The following KLHL26 variants were observed in gnomAD, a reference collection of about 807,000 sequenced individuals.
KLHL26 encodes kelch like family member 26.
A neutral mutation model predicts 7.1 loss-of-function variants in KLHL26; 4 were observed. The observed-to-expected ratio is 0.56, with a 90% CI of 0.28 to 1.28. The LOEUF (loss-of-function observed/expected upper bound fraction) is 1.28. Among genes scored for constraint, KLHL26 ranks in the 50% most tolerant of loss-of-function variants. KLHL26 has a pLI of 0.11. For synonymous variants in KLHL26, 465 were observed against 414.1 expected (o/e 1.12, Z -1.49); for missense variants, 896 against 924.6 (o/e 0.97, Z 0.40).
In KLHL26 at chr19:18,664,544, C is replaced by T. The variant is rs111715435; in HGVS notation, c.266+101C>T. On this transcript the variant is annotated intron_variant, in intron 2 of 2. Transcript: ENST00000300976. ...CTAAAGGGGGCCTGTCTCAGCGCTA[C>T]CCAGGGACAGCTTCGAGGGAGAACG... is the stretch of plus-strand genomic sequence containing the variant. 6.5e-6 allele frequency: 6 copies of T among 929,518 alleles called. No homozygotes were observed. In the African/African-American group the frequency reaches 6.7e-5, roughly 10 times the overall value. The allele number at this position is 929,518 out of a possible 1,614,324, so 57.6% of individuals were successfully genotyped here. A position where few individuals can be genotyped will look rare whatever the true frequency, so the allele number is the denominator to read the frequency against.
rs148958578 is a variant in KLHL26 at position 18,667,494 on chromosome 19, G to A, written c.267-170G>A. 657 of 1,206,582 alleles carry A rather than the reference G, an allele frequency of 5.4e-4. 1 individual carries two copies. In the African/African-American group the frequency reaches 9.3e-3, roughly 17 times the overall value. The allele number at this position is 1,206,582 out of a possible 1,614,324, so 74.7% of individuals were successfully genotyped here. The stretch of plus-strand genomic sequence containing the variant: ...GCTGGGATTACAGGCATGAGCCACC[G>A]CGCCCGGCCCCTTTGCATGTTTTTA... On this transcript the variant is annotated intron_variant, in intron 2 of 2. Coordinates refer to ENST00000300976, the MANE Select transcript of KLHL26 (RefSeq NM_018316.3).
intron 1 of KLHL26, among the ~76,000 whole-genome samples, chr19:18,647,354 T>TC (rs1976822752): frequency 6.6e-6 from 1 of 151,946 alleles, no homozygotes; most frequent in Non-Finnish European, 1.5e-5. Flanking sequence ...TCATCCCACC[T>TC]CCCCCACGGC....
Position 18,669,186 on chromosome 19 carries a change from T to A in KLHL26, c.1789T>A (p.Ser597Thr). ...EWERDLHFPE[S>T]FAGIACAPVL... ...GGAGCGGGACCTGCACTTCCCGGAGTCCTTCGCAGGCATAGCCTGCGCCCC... is the reference window on the plus strand; with the variant it reads ...GGAGCGGGACCTGCACTTCCCGGAGACCTTCGCAGGCATAGCCTGCGCCCC... Residue 597 changes from serine to threonine, a missense_variant, in exon 3 of 3, where the codon TCC becomes ACC. Coordinates refer to ENST00000300976, the MANE Select transcript of KLHL26 (RefSeq NM_018316.3). 1 of 1,612,248 alleles carries A rather than the reference T, an allele frequency of 6.2e-7. No individual in the cohort carries two copies. The highest frequency in any genetic ancestry group is 8.5e-7 in the Non-Finnish European group (1 of 1,179,884).
At chr19:18,663,935 CTG>C (rs1223112351) in intron 1 of KLHL26, among the ~76,000 whole-genome samples, 1 of 152,094 alleles carries the variant, frequency 6.6e-6, no homozygotes, top group African/African-American at 2.4e-5. Flanking sequence ...TGACATAAAA[CTG>C]TCTGAAAGTG....
At chr19:18,641,517 C>G (rs933534649) in intron 1 of KLHL26, among the ~76,000 whole-genome samples, 1 of 151,146 alleles carries the variant, frequency 6.6e-6, no homozygotes, top group African/African-American at 2.4e-5. Flanking sequence ...CGGGGTTTCA[C>G]CATGTTGGCT....
chr19:18,668,210 G>T lies in KLHL26; in HGVS notation c.813G>T (p.Met271Ile). 1 of 1,611,836 alleles carries T rather than the reference G, an allele frequency of 6.2e-7. No homozygotes were observed. Residue 271 changes from methionine to isoleucine, a missense_variant, in exon 3 of 3, where the codon ATG (methionine) becomes ATT (isoleucine). Coordinates refer to ENST00000300976, the MANE Select transcript of KLHL26 (RefSeq NM_018316.3). ...LVDSVQTLDIMVEDVLCRQYL... is the reference protein window; with the variant it reads ...LVDSVQTLDIIVEDVLCRQYL... Reference sequence around the variant, plus strand: ...ACAGCGTGCAGACGCTGGACATCATGGTGGAGGACGTGCTGTGCCGCCAGT... The same window carrying T: ...ACAGCGTGCAGACGCTGGACATCATTGTGGAGGACGTGCTGTGCCGCCAGT...
At chr19:18,655,111 C>CCGTA (rs1480493191) in intron 1 of KLHL26, among the ~76,000 whole-genome samples, 2 of 152,192 alleles carry the variant, frequency 1.3e-5, no homozygotes, top group Non-Finnish European at 2.9e-5. Context: ...GGCTGATGAG[C>CCGTA]CGTAGACCGA....
chr19:18,644,558 A>G (rs1013962554), intron 1 of KLHL26: 2 of 152,270 alleles, frequency 1.3e-5, no homozygotes, highest in African/African-American at 4.8e-5. Context: ...TGCCTGGAAC[A>G]TGAATGACAC....
intron 1 of KLHL26, among the ~76,000 whole-genome samples, chr19:18,641,316 C>CTTTTTTTTTTTTTTTTTTTT (rs61471216): frequency 9.5e-6 from 1 of 105,138 alleles, no homozygotes; most frequent in Non-Finnish European, 1.9e-5. Context: ...GTTGGGTTGC[C>CTTTTTTTTTTTTTTTTTTTT]TTTTTTTTTT....
intron 2 of KLHL26, 48 bp downstream of exon 2, chr19:18,664,491 C>A (rs769630301): frequency 6.0e-5 from 89 of 1,476,950 alleles, no homozygotes; most frequent in Non-Finnish European, 7.9e-5. Context: ...CCTGTTGGGA[C>A]AGGGACAGGG....
chr19:18,664,586 CTT>C (rs796201839), intron 2 of KLHL26, 143 bp downstream of exon 2: 2,152 of 458,530 alleles, frequency 4.7e-3, no homozygotes, highest in Middle Eastern at 8.5e-3. Context: ...ACCGGCTGCT[CTT>C]TTTTTTTTTT....
At position 18,668,221 on chromosome 19, in the gene KLHL26, T is replaced by C; in HGVS notation, c.824T>C (p.Val275Ala). 6.2e-7 allele frequency: 1 copy of C among 1,612,030 alleles called. No homozygotes were observed. The highest frequency in any genetic ancestry group is 8.5e-7 in the Non-Finnish European group (1 of 1,179,878). The change falls in exon 3 of 3, where the codon GTG becomes GCG. Residue 275 changes from valine to alanine, a missense_variant. By Grantham distance (64) the Val-to-Ala change is moderately conservative. Transcript: ENST00000300976. ...ACGCTGGACATCATGGTGGAGGACG[T>C]GCTGTGCCGCCAGTATCTGCTGGAG... Reference protein sequence around the residue: ...VQTLDIMVEDVLCRQYLLEAF... With the variant: ...VQTLDIMVEDALCRQYLLEAF...
Position 18,667,967 on chromosome 19 carries a change from G to T in KLHL26, c.570G>T (p.Arg190=), listed in dbSNP as rs2052470432. 1 of 1,608,776 alleles carries T rather than the reference G, an allele frequency of 6.2e-7. No homozygotes were observed. The highest frequency in any genetic ancestry group is 8.5e-7 in the Non-Finnish European group (1 of 1,179,966). ...AGTCGGTGGATGCCTTCACCTTCCG[G>T]CACTTCCTGCAGATCGCCGAGGAGG... The part of the protein sequence containing the change: ...LRESVDAFTF[R]HFLQIAEEED... Residue 190 remains arginine, a synonymous_variant, in exon 3 of 3, where the codon CGG becomes CGT. Coordinates refer to ENST00000300976, the MANE Select transcript of KLHL26 (RefSeq NM_018316.3).
chr19:18,665,315 C>G (rs566500051), intron 2 of KLHL26, among the ~76,000 whole-genome samples: 1 of 152,310 alleles, frequency 6.6e-6, no homozygotes, highest in Admixed American at 6.5e-5. Flanking sequence ...CTCAGCCTCC[C>G]AAAGTGCTGG....
At chr19:18,645,303 A>G (rs1173228524) in intron 1 of KLHL26, among the ~76,000 whole-genome samples, 3 of 152,180 alleles carry the variant, frequency 2.0e-5, no homozygotes, top group Non-Finnish European at 2.9e-5. Flanking sequence ...CTCCCCAGCT[A>G]AAATTCTGTC....
rs1415268121 is a variant in KLHL26, at chr19:18,656,451, G to A, written c.84-7810G>A. Among the ~76,000 whole-genome samples, 1 of 151,972 alleles carries A rather than the reference G, an allele frequency of 6.6e-6. No homozygotes were observed. The highest frequency in any genetic ancestry group is 1.5e-5 in the Non-Finnish European group (1 of 68,010). On this transcript the variant is annotated intron_variant, in intron 1 of 2. Transcript: ENST00000300976. The surrounding 1 kb of genome is among the most constrained non-coding windows in gnomAD (Gnocchi z 4.4). ...GTCACTTGGCTGTCTGGGGGTGCCA[G>A]CCCTGGGTACAGTGGCCTCCTGCTA... is the stretch of plus-strand genomic sequence containing the variant.
Position 18,668,102 on chromosome 19 carries a change from G to A in KLHL26, c.705G>A (p.Gln235=), listed in dbSNP as rs1367458364. 1 of 1,603,158 alleles carries A rather than the reference G, an allele frequency of 6.2e-7. No individual in the cohort carries two copies. The highest frequency in any genetic ancestry group is 8.5e-7 in the Non-Finnish European group (1 of 1,179,312). ...TCCGCGCGGCCGTCCGCTGGCTGCA[G>A]CATGACCCGGCCCGGCGGCCGCGCG... ...DLFRAAVRWL[Q]HDPARRPRAS... The change falls in exon 3 of 3, where the codon CAG becomes CAA. Residue 235 remains glutamine (Q), a synonymous_variant. Coordinates refer to ENST00000300976, the MANE Select transcript of KLHL26 (RefSeq NM_018316.3).
chr19:18,642,336 C>T (rs1321451475), intron 1 of KLHL26, among the ~76,000 whole-genome samples: 1 of 78,014 alleles, frequency 1.3e-5, no homozygotes, highest in Non-Finnish European at 2.4e-5. Flanking sequence ...TGCTAGTCAC[C>T]TAGTGTGTGT....
At position 18,669,005 on chromosome 19, in the gene KLHL26, G is replaced by T; in HGVS notation, c.1608G>T (p.Thr536=). The T allele has an allele frequency of 3.7e-6, 6 of 1,612,676 alleles. No homozygotes were observed. Among genetic ancestry groups the T allele is most frequent in the Non-Finnish European group, 5.1e-6 (6 of 1,179,950 alleles). ...VLAVEYYVPE[T]DQWTSVSPMR... is the part of the protein sequence containing the mutation. ...CTGTGGAGTACTATGTGCCGGAGAC[G>T]GACCAGTGGACCAGCGTGAGCCCCA... Residue 536 remains threonine, a synonymous_variant, in exon 3 of 3, where the codon ACG becomes ACT. Coordinates refer to ENST00000300976, the MANE Select transcript of KLHL26 (RefSeq NM_018316.3).
Sources: allele counts gnomAD v4.1 joint callset (sites outside exome capture counted in the v4.1 genomes callset), GRCh38; gene constraint gnomAD v4.1.1; non-coding constraint Gnocchi (gnomAD v3.1); transcripts MANE v1.5; gene names NCBI Gene and HGNC (gene_info 2026-07-23, HGNC 2026-07-21).